C4orf50: variants seen among roughly 807,000 people sequenced by gnomAD.
C4orf50 encodes chromosome 4 open reading frame 50, also known as uncharacterized protein C4orf50.
C4orf50 carries 80 observed loss-of-function variants against 77.2 expected under a neutral mutation model. That is an observed-to-expected ratio of 1.04 (90% CI 0.87 to 1.25). C4orf50 has a LOEUF of 1.25. Ranked by LOEUF, C4orf50 falls within the 50% of genes most tolerant of loss-of-function variation. The pLI, the probability that C4orf50 is intolerant of heterozygous loss-of-function variation, is 0.00. For synonymous variants in C4orf50, 532 were observed against 465.3 expected (o/e 1.14, Z -1.84); for missense variants, 1,257 against 1,152.9 (o/e 1.09, Z -1.31).
chr4:5,986,538 A>AC lies in C4orf50; in HGVS notation c.3699+1808_3699+1809insG, dbSNP rs1491187422. Among the ~76,000 whole-genome samples the AC allele has an allele frequency of 2.3e-4, 31 of 136,200 alleles. No homozygotes were observed. The East Asian group carries it at 5.1e-3, about 22-fold the overall frequency. The allele number at this position is 136,200 out of a possible 152,430, so 89.4% of individuals were successfully genotyped here. ...CAACAGGGCTAGCTATAACAACGTC[A>AC]TTTTTTTTTTTTTTTTTTGAGACAG... On this transcript the variant is annotated intron_variant, in intron 28 of 33. Transcript: ENST00000531445.
At chr4:5,990,378 C>T (rs1470763136) in exon 28 of C4orf50, 16 of 444,674 alleles carry the variant, frequency 3.6e-5, no homozygotes, top group East Asian at 1.8e-4. Context: ...CAGTTCTCCC[C>T]GCAAGGCTTC....
intron 25 of C4orf50, among the ~76,000 whole-genome samples, chr4:5,996,816 C>T (rs764730674): frequency 6.6e-6 from 1 of 152,258 alleles, no homozygotes; most frequent in Non-Finnish European, 1.5e-5. Flanking sequence ...CCTGTCCTGA[C>T]AGCCACCTGC....
rs1560586769 is a variant in C4orf50 at position 5,989,482 on chromosome 4, TGA to T, written c.2562_2563del (p.Gln855AlafsTer11). 1 of 1,536,118 alleles carries T rather than the reference TGA, an allele frequency of 6.5e-7. No homozygotes were observed. The highest frequency in any genetic ancestry group is 1.4e-5 in the African/African-American group (1 of 73,166). On this transcript the variant is annotated frameshift_variant, in exon 28 of 34. Transcript: ENST00000531445. LOFTEE classifies it high-confidence loss of function. ...AATACCCCAATTTCCCCAAACCTGC[TGA>T]GAGTGAGCTCTCTCCCAGCCACTGT...
chr4:5,954,773 C>T (rs1013735848), downstream of C4orf50, among the ~76,000 whole-genome samples: 1 of 152,172 alleles, frequency 6.6e-6, no homozygotes, highest in African/African-American at 2.4e-5. The surrounding 1 kb of genome is among the most constrained non-coding windows in gnomAD (Gnocchi z 4.7). Context: ...AGCCCACCTC[C>T]AGAAGGCCCA....
At chr4:5,998,301 G>A (rs368609601) in intron 25 of C4orf50, among the ~76,000 whole-genome samples, 2 of 152,046 alleles carry the variant, frequency 1.3e-5, no homozygotes, top group African/African-American at 4.8e-5. Context: ...TGGCCATTTT[G>A]TACTTCCTTT....
At position 5,959,420 on chromosome 4, in the gene C4orf50, G is replaced by T. The variant is rs1719146967; in HGVS notation, c.4482C>A (p.Cys1494Ter). The stretch of plus-strand genomic sequence containing the variant: ...GTGATTTATGGACCTGGGAATTGCT[G>T]CAAATGCTTTGTCTAAGCTCTTGGT... Residue 1494 changes from cysteine (C) to a stop codon, truncating the protein, a stop_gained, in exon 34 of 34, where the codon TGC (cysteine) becomes TGA (stop). Coordinates refer to ENST00000531445, the Ensembl canonical transcript of C4orf50. LOFTEE classifies it high-confidence loss of function. The T allele has an allele frequency of 3.1e-6, 5 of 1,614,078 alleles. No individual in the cohort carries two copies. Among genetic ancestry groups the T allele is most frequent in the Non-Finnish European group, 4.2e-6 (5 of 1,180,044 alleles).
chr4:6,008,330 C>A lies in C4orf50; in HGVS notation c.629G>T (p.Arg210Leu). 1 of 388,982 alleles carries A rather than the reference C, an allele frequency of 2.6e-6. No individual in the cohort carries two copies. The highest frequency in any genetic ancestry group is 3.7e-5 in the East Asian group (1 of 27,108). The allele number at this position is 388,982 out of a possible 1,614,324, so 24.1% of individuals were successfully genotyped here. The stretch of plus-strand genomic sequence containing the variant: ...GAGGCCCGCGGCGCGGCAGAGGCGC[C>A]GCACGTTGCGCTCCAGCCGCTGCAC... Residue 210 changes from arginine to leucine, a missense_variant, in exon 25 of 34, where the codon CGG becomes CTG. Physicochemically the swap from Arg to Leu is moderately radical, Grantham distance 102. Transcript: ENST00000531445. This position sits in a 1 kb window ranked among gnomAD's most constrained non-coding sequence, Gnocchi z 6.0.
intron 7 of C4orf50, among the ~76,000 whole-genome samples, chr4:5,922,731 G>A (rs11729343): frequency 0.21 from 31,184 of 152,104 alleles, 3,334 homozygotes; most frequent in Admixed American, 0.25. Flanking sequence ...AGCGGCCCTC[G>A]TGGCATGCTC....
Position 6,011,316 on chromosome 4 carries a change from T to TTCTCCCACACCTCTGTGC in C4orf50, c.426+496_426+513dup, listed in dbSNP as rs1218439196. On this transcript the variant is annotated intron_variant, in intron 24 of 33. Coordinates refer to ENST00000531445, the Ensembl canonical transcript of C4orf50. The surrounding 1 kb of genome is among the most constrained non-coding windows in gnomAD (Gnocchi z 4.2). ...CCCCAGCACGGTGATATCCTCTGTG[T>TTCTCCCACACCTCTGTGC]TCTCCCACACCTCTGTGCTACGGCC... Among the ~76,000 whole-genome samples, 2 of 152,086 alleles carry TTCTCCCACACCTCTGTGC rather than the reference T, an allele frequency of 1.3e-5. No individual in the cohort carries two copies. Among genetic ancestry groups the TTCTCCCACACCTCTGTGC allele is most frequent in the African/African-American group, 4.8e-5 (2 of 41,396 alleles).
chr4:5,911,988 G>A (rs1049095838), intron 7 of C4orf50, among the ~76,000 whole-genome samples: 1 of 152,194 alleles, frequency 6.6e-6, no homozygotes, highest in African/African-American at 2.4e-5. Context: ...GGAGGTTGCA[G>A]TGAGCCAAGA....
chr4:5,981,925 AG>A (rs1413580668), intron 28 of C4orf50, among the ~76,000 whole-genome samples: 27 of 152,126 alleles, frequency 1.8e-4, no homozygotes, highest in African/African-American at 6.0e-4. Flanking sequence ...GGTAGGTAGG[AG>A]GGGGATCCCA....
chr4:6,016,586 T>C (rs1307028302), intron 23 of C4orf50, among the ~76,000 whole-genome samples: 1 of 152,072 alleles, frequency 6.6e-6, no homozygotes, highest in East Asian at 1.9e-4. Context: ...CAAATTGGTT[T>C]TGTTGTAGGT....
intron 7 of C4orf50, chr4:5,898,215 A>G (rs1469910061): frequency 6.6e-6 from 1 of 152,200 alleles, no homozygotes; most frequent in Non-Finnish European, 1.5e-5. Flanking sequence ...TCACTCTGCC[A>G]ATGACACTCA....
chr4:5,987,703 TAGAG>T (rs372013879), intron 28 of C4orf50, among the ~76,000 whole-genome samples: 1,510 of 149,904 alleles, frequency 0.01, 26 homozygotes, highest in African/African-American at 0.035. Context: ...GAGAGAGAAA[TAGAG>T]ATAGAAAATG....
chr4:5,931,143 G>C (rs28523985), intron 7 of C4orf50, among the ~76,000 whole-genome samples: 19,210 of 152,138 alleles, frequency 0.13, 2,850 homozygotes, highest in African/African-American at 0.37. Flanking sequence ...AAAGGAACTC[G>C]CCAAGACTGG....
At position 5,989,249 on chromosome 4, in the gene C4orf50, A is replaced by G. The variant is rs987831273; in HGVS notation, c.2797T>C (p.Leu933=). The change falls in exon 28 of 34, where the codon TTG becomes CTG. Residue 933 remains leucine, a synonymous_variant. Coordinates refer to ENST00000531445, the Ensembl canonical transcript of C4orf50. ...AAAATCTGGCTTCTCTGTTTCTTCAATCCAGAAATGAGCTGATGAAACCTG... is the reference window on the plus strand; with the variant it reads ...AAAATCTGGCTTCTCTGTTTCTTCAGTCCAGAAATGAGCTGATGAAACCTG... 5 of 1,535,706 alleles carry G rather than the reference A, an allele frequency of 3.3e-6. No individual in the cohort carries two copies. The African/African-American group carries it at 5.5e-5, about 17-fold the overall frequency.
At chr4:5,950,554 GCTGAGTTCT>G (rs372687276) in intron 7 of C4orf50, among the ~76,000 whole-genome samples, 84 of 152,160 alleles carry the variant, frequency 5.5e-4, no homozygotes, top group African/African-American at 2.0e-3. Context: ...TCTTTTACTC[GCTGAGTTCT>G]CCTGGGCAAG....
chr4:5,897,808 C>T (rs1252154000), exon 8 of C4orf50: 4 of 152,188 alleles, frequency 2.6e-5, no homozygotes, highest in Non-Finnish European at 5.9e-5. Context: ...AACATCTCCA[C>T]GGACTGATGG....
At chr4:5,960,704 A>G (rs7691574) in intron 33 of C4orf50, among the ~76,000 whole-genome samples, 102,111 of 152,104 alleles carry the variant, frequency 0.67, 35,112 homozygotes, top group African/African-American at 0.75. Context: ...GGACGGAAGT[A>G]CTGACTGCAC....
Sources: allele counts gnomAD v4.1 joint callset (sites outside exome capture counted in the v4.1 genomes callset), GRCh38; gene constraint gnomAD v4.1.1; non-coding constraint Gnocchi (gnomAD v3.1); transcripts MANE v1.5; gene names NCBI Gene and HGNC (gene_info 2026-07-23, HGNC 2026-07-21).